Variants in DCAF4 observed in about 807,000 individuals in gnomAD.
DCAF4 encodes the protein DDB1 and CUL4 associated factor 4, also known as DDB1- and CUL4-associated factor 4.
A neutral mutation model predicts 60.9 loss-of-function variants in DCAF4; 37 were observed. The ratio of observed to expected loss-of-function variants is 0.61; its 90% confidence interval spans 0.47 to 0.80. The LOEUF (loss-of-function observed/expected upper bound fraction) is 0.80. Among genes scored for constraint, DCAF4 ranks in the 30% least tolerant of loss-of-function variants. DCAF4 has a pLI of 0.00. For synonymous variants in DCAF4, 243 were observed against 254.8 expected, an observed-to-expected ratio of 0.95 and a Z score of 0.44; for missense variants, 577 against 650.0, an observed-to-expected ratio of 0.89 and a Z score of 1.22.
chr14:72,938,108 G>A (rs529863052), intron 2 of DCAF4, 38 bp downstream of exon 2: 1 of 1,569,658 alleles, frequency 6.4e-7, no homozygotes, highest in Non-Finnish European at 8.6e-7. Context: ...TTTGCCCAGT[G>A]TGCTTCTGGC....
At chr14:72,934,095 G>C (rs1488047671) in intron 1 of DCAF4, among the ~76,000 whole-genome samples, 1 of 150,452 alleles carries the variant, frequency 6.6e-6, no homozygotes, top group Non-Finnish European at 1.5e-5. Flanking sequence ...TTGAACTTCA[G>C]GCTCTGGCCA....
At chr14:72,953,752 T>A (rs1891829724) in intron 9 of DCAF4, among the ~76,000 whole-genome samples, 1 of 71,888 alleles carries the variant, frequency 1.4e-5, no homozygotes, top group African/African-American at 4.9e-5. Flanking sequence ...TATATATATA[T>A]ATATATATAT....
intron 1 of DCAF4, among the ~76,000 whole-genome samples, chr14:72,927,756 G>A (rs1190617075): frequency 1.3e-5 from 2 of 152,198 alleles, no homozygotes; most frequent in Admixed American, 6.5e-5. Flanking sequence ...AGTCCTGTAA[G>A]CCTGTTTCCT....
intron 1 of DCAF4, among the ~76,000 whole-genome samples, chr14:72,934,866 T>G (rs1889050972): frequency 6.6e-6 from 1 of 152,132 alleles, no homozygotes. Context: ...TAAGTGGAAA[T>G]AACCCAGAGC....
At chr14:72,944,756 C>T (rs765507568) in intron 6 of DCAF4, among the ~76,000 whole-genome samples, 2 of 151,880 alleles carry the variant, frequency 1.3e-5, no homozygotes, top group Admixed American at 6.6e-5. Flanking sequence ...TGTGCCACCA[C>T]ACTCCAGCCT....
At chr14:72,949,442 A>G (rs1891136684) in intron 8 of DCAF4, among the ~76,000 whole-genome samples, 1 of 149,706 alleles carries the variant, frequency 6.7e-6, no homozygotes, top group African/African-American at 2.5e-5. Flanking sequence ...GGTGAAAGAG[A>G]GAGACCCTGT....
rs1890660709 is a variant in DCAF4, at chr14:72,945,814, G to A, written c.535-70G>A. On this transcript the variant is annotated intron_variant, in intron 6 of 13. Transcript: ENST00000358377. ...AGAGCATGGGGGCCAGGAGAGACGGGCAGGTCCCTCTTAGGCAGTCCACCA... is the reference window on the plus strand; with the variant it reads ...AGAGCATGGGGGCCAGGAGAGACGGACAGGTCCCTCTTAGGCAGTCCACCA... The A allele has an allele frequency of 2.5e-6, 4 of 1,594,936 alleles. 1 individual carries two copies. The Admixed American group carries it at 5.1e-5, about 20-fold the overall frequency.
chr14:72,944,523 T>C (rs1890471021), intron 6 of DCAF4, among the ~76,000 whole-genome samples: 1 of 152,196 alleles, frequency 6.6e-6, no homozygotes, highest in African/African-American at 2.4e-5. Flanking sequence ...TCTGGCACAG[T>C]GGTTCATGCC....
At chr14:72,929,918 A>G in intron 1 of DCAF4, 2 of 1,254,326 alleles carry the variant, frequency 1.6e-6, no homozygotes, top group East Asian at 5.0e-5. Flanking sequence ...GCCATAAGGT[A>G]GCGCAGAGCC....
intron 11 of DCAF4, among the ~76,000 whole-genome samples, chr14:72,955,127 TGTG>T (rs1397630315): frequency 6.9e-6 from 1 of 145,802 alleles, no homozygotes; most frequent in Non-Finnish European, 1.5e-5. Flanking sequence ...AAAAAAAAAT[TGTG>T]GTCATTACTA....
At chr14:72,942,910 C>T in intron 5 of DCAF4, 84 bp from the exon 6 acceptor site, 4 of 1,237,448 alleles carry the variant, frequency 3.2e-6, no homozygotes, top group East Asian at 2.4e-5. Flanking sequence ...TGGGCGTCAG[C>T]GGGGCAGGGA....
In DCAF4 at chr14:72,929,809, G is replaced by A. The variant is rs893357360; in HGVS notation, c.-9+3266G>A. On this transcript the variant is annotated intron_variant, in intron 1 of 13. Coordinates refer to ENST00000358377, the MANE Select transcript of DCAF4 (RefSeq NM_015604.4). ...CCACACACCTCCCGGATCATGTCCC[G>A]CTACAAACTTGGTGCGTTTGCTCAG... is the stretch of plus-strand genomic sequence containing the variant. 1.0e-5 allele frequency: 12 copies of A among 1,162,440 alleles called. No homozygotes were observed. In the African/African-American group the frequency reaches 1.2e-4, roughly 12 times the overall value. 72.0% of individuals were successfully genotyped at this position (1,162,440 alleles called of 1,614,324 possible). A position where few individuals can be genotyped will look rare whatever the true frequency, so the allele number is the denominator to read the frequency against.
chr14:72,961,932 G>C, downstream of DCAF4: 1 of 1,145,464 alleles, frequency 8.7e-7, no homozygotes, highest in Non-Finnish European at 1.1e-6. Flanking sequence ...GCTACCGCGG[G>C]AACACCCCAG....
chr14:72,953,580 C>G (rs1426856073), intron 9 of DCAF4, among the ~76,000 whole-genome samples: 14 of 150,350 alleles, frequency 9.3e-5, no homozygotes, highest in Admixed American at 3.3e-4. Flanking sequence ...TGTGGTGGCT[C>G]ACACCTGTGA....
chr14:72,927,343 CTTTTTTTTTTTTT>C (rs547199942), intron 1 of DCAF4, among the ~76,000 whole-genome samples: 5 of 87,346 alleles, frequency 5.7e-5, no homozygotes, highest in Admixed American at 2.8e-4. Flanking sequence ...CGGTGGTGTT[CTTTTTTTTTTTTT>C]TTTTTTTTTT....
rs372788094 is a variant in DCAF4, at chr14:72,944,431, A to C, written c.534+1335A>C. 3.4e-4 allele frequency among the ~76,000 whole-genome samples: 52 copies of C among 152,328 alleles called. 1 individual carries two copies. Among genetic ancestry groups the C allele is most frequent in the Middle Eastern group, 3.4e-3 (1 of 294 alleles). ...TTATTAATATATACAAAACACATAA[A>C]TATGTGGAGTTTTTGCTTTGAAATA... On this transcript the variant is annotated intron_variant, in intron 6 of 13. Coordinates refer to ENST00000358377, the MANE Select transcript of DCAF4 (RefSeq NM_015604.4).
intron 6 of DCAF4, among the ~76,000 whole-genome samples, chr14:72,944,163 TTCCTCTC>T (rs1392107764): frequency 6.6e-6 from 1 of 152,146 alleles, no homozygotes; most frequent in Non-Finnish European, 1.5e-5. Context: ...ACCCTCATGC[TTCCTCTC>T]TCCTGACCCA....
intron 1 of DCAF4, among the ~76,000 whole-genome samples, chr14:72,930,320 A>G (rs933755493): frequency 6.6e-6 from 1 of 151,602 alleles, no homozygotes; most frequent in Non-Finnish European, 1.5e-5. Context: ...CCAGGCTGCA[A>G]TGCAGTGGCA....
At chr14:72,957,025 A>G (rs1020012970) in intron 13 of DCAF4, 1 of 159,756 alleles carries the variant, frequency 6.3e-6, no homozygotes, top group Non-Finnish European at 1.4e-5. Context: ...ATCCTGGCCA[A>G]CATGGTGAAA....
Sources: allele counts gnomAD v4.1 joint callset (sites outside exome capture counted in the v4.1 genomes callset), GRCh38; gene constraint gnomAD v4.1.1; transcripts MANE v1.5; gene names NCBI Gene and HGNC (gene_info 2026-07-23, HGNC 2026-07-21).